Variants in EPB41L1 observed in about 807,000 individuals in gnomAD.
EPB41L1 encodes the protein band 4.1-like protein 1.
In EPB41L1, 29 loss-of-function variants were observed where a neutral mutation model predicts 97.8. The observed-to-expected ratio is 0.30, with a 90% CI of 0.22 to 0.40. The LOEUF (loss-of-function observed/expected upper bound fraction) is 0.40, where lower values mean the gene tolerates loss of function less well. Ranked by LOEUF, EPB41L1 falls within the 10% of genes least tolerant of loss-of-function variation. The pLI is 1.00. For missense variants in EPB41L1, 812 were observed against 1,162.3 expected, an observed-to-expected ratio of 0.70 and a Z score of 4.38; for synonymous variants, 383 against 459.2, an observed-to-expected ratio of 0.83 and a Z score of 2.12.
At chr20:36,163,512 T>G (rs2060615894) in intron 1 of EPB41L1, among the ~76,000 whole-genome samples, 2 of 152,334 alleles carry the variant, frequency 1.3e-5, no homozygotes, top group African/African-American at 4.8e-5. Flanking sequence ...CAGGCTCCCC[T>G]TATCCTAAGT....
chr20:36,205,544 T>G (rs2062753074), intron 14 of EPB41L1, among the ~76,000 whole-genome samples: 1 of 152,180 alleles, frequency 6.6e-6, no homozygotes, highest in South Asian at 2.1e-4. Flanking sequence ...GGCCCATCTG[T>G]GGATCTCCAT....
intron 14 of EPB41L1, among the ~76,000 whole-genome samples, chr20:36,202,348 G>A (rs1028388680): frequency 2.0e-5 from 3 of 152,186 alleles, no homozygotes; most frequent in East Asian, 3.8e-4. Flanking sequence ...CATTCTGCCC[G>A]CTGGTGCCCG....
At chr20:36,095,675 C>A (rs2057804761) in intron 1 of EPB41L1, among the ~76,000 whole-genome samples, 1 of 152,260 alleles carries the variant, frequency 6.6e-6, no homozygotes, top group Non-Finnish European at 1.5e-5. Context: ...ATCTCCCCAC[C>A]AATATACTCT....
In EPB41L1 at chr20:36,095,511, C is replaced by T. The variant is rs6088995; in HGVS notation, c.-65+3899C>T. On this transcript the variant is annotated intron_variant, in intron 1 of 19. Coordinates refer to the EPB41L1 transcript ENST00000202028. ...GTGAAAGGGTCTAAACTCCCTAAGC[C>T]TTGGTTTACCTGGCTAGGCAGCTAG... Among the ~76,000 whole-genome samples the T allele has an allele frequency of 2.6e-5, 4 of 152,316 alleles. No individual in the cohort carries two copies. The South Asian group carries it at 6.2e-4, about 24-fold the overall frequency.
chr20:36,155,806 A>G (rs2060272102), intron 1 of EPB41L1: 7 of 376,672 alleles, frequency 1.9e-5, no homozygotes, highest in South Asian at 1.4e-4. Context: ...CTGGATCCGC[A>G]TAGCACCTCC....
intron 2 of EPB41L1, among the ~76,000 whole-genome samples, chr20:36,136,754 T>C (rs995674332): frequency 1.3e-5 from 2 of 149,896 alleles, no homozygotes; most frequent in Non-Finnish European, 3.0e-5. Flanking sequence ...CCTGACTAAT[T>C]TTTTTTTTTG....
At chr20:36,194,997 C>T (rs768484381) in intron 12 of EPB41L1, among the ~76,000 whole-genome samples, 3 of 152,180 alleles carry the variant, frequency 2.0e-5, no homozygotes, top group Admixed American at 2.0e-4. Flanking sequence ...GGTTTCTTTC[C>T]GTCTACCTTG....
At chr20:36,145,342 AT>A (rs753201815) in intron 2 of EPB41L1, among the ~76,000 whole-genome samples, 3 of 147,116 alleles carry the variant, frequency 2.0e-5, no homozygotes, top group Admixed American at 7.0e-5. Flanking sequence ...GTGAGCTGAG[AT>A]TGCGATCACA....
At chr20:36,120,704 G>T (rs1055918351) in intron 2 of EPB41L1, among the ~76,000 whole-genome samples, 1 of 152,008 alleles carries the variant, frequency 6.6e-6, no homozygotes, top group East Asian at 1.9e-4. Flanking sequence ...GATTTAGTCC[G>T]CAAATTTTTA....
chr20:36,204,471 C>CTTTTTTTTTTTTTTTTTTTTTTT lies in EPB41L1; in HGVS notation c.1669-5013_1669-4991dup, dbSNP rs765673962. On this transcript the variant is annotated intron_variant, in intron 14 of 21. Coordinates refer to ENST00000338074, the MANE Select transcript of EPB41L1 (RefSeq NM_012156.2). ...GGCCTAACAGTGCTGCGATCTGGTG[C>CTTTTTTTTTTTTTTTTTTTTTTT]TTTTTTTTTTTTTTTTTTTTTTTTT... 9.9e-5 allele frequency among the ~76,000 whole-genome samples: 9 copies of CTTTTTTTTTTTTTTTTTTTTTTT among 90,602 alleles called. 1 individual carries two copies. The highest frequency in any genetic ancestry group is 5.2e-4 in the African/African-American group (9 of 17,388). The allele number at this position is 90,602 out of a possible 152,430, so 59.4% of individuals were successfully genotyped here. A position where few individuals can be genotyped will look rare whatever the true frequency, so the allele number is the denominator to read the frequency against.
At chr20:36,188,887 A>G (rs2061816190) in intron 9 of EPB41L1, among the ~76,000 whole-genome samples, 1 of 152,056 alleles carries the variant, frequency 6.6e-6, no homozygotes, top group Admixed American at 6.6e-5. Context: ...TCAAAAAAAA[A>G]AAAAAGGGAG....
intron 1 of EPB41L1, among the ~76,000 whole-genome samples, chr20:36,166,223 C>T (rs2060733072): frequency 6.6e-6 from 1 of 152,218 alleles, no homozygotes; most frequent in African/African-American, 2.4e-5. Flanking sequence ...CATCTGATGC[C>T]AAATCTGCTG....
intron 2 of EPB41L1, among the ~76,000 whole-genome samples, chr20:36,143,146 T>C (rs2059705889): frequency 7.7e-6 from 1 of 129,076 alleles, no homozygotes; most frequent in Non-Finnish European, 1.6e-5. Flanking sequence ...TTTGTGTGTG[T>C]GTGTGTGTGT....
In EPB41L1 at chr20:36,093,837, C is replaced by T. The variant is rs970736097; in HGVS notation, c.-65+2225C>T. Among the ~76,000 whole-genome samples, 2 of 152,044 alleles carry T rather than the reference C, an allele frequency of 1.3e-5. No individual in the cohort carries two copies. Among genetic ancestry groups the T allele is most frequent in the African/African-American group, 2.4e-5 (1 of 41,392 alleles). ...CCTGTTGTGGCCAGGGGACATGTCC[C>T]CTCCGGCCTCCCCCCAGCCCCCCAC... is the stretch of plus-strand genomic sequence containing the variant. On this transcript the variant is annotated intron_variant, in intron 1 of 19. Coordinates refer to the EPB41L1 transcript ENST00000202028. This position sits in a 1 kb window ranked among gnomAD's most constrained non-coding sequence, Gnocchi z 5.4.
At chr20:36,167,232 A>C (rs1314912426) in intron 1 of EPB41L1, among the ~76,000 whole-genome samples, 1 of 152,172 alleles carries the variant, frequency 6.6e-6, no homozygotes, top group African/African-American at 2.4e-5. Context: ...CGCACAGTCG[A>C]AGAACAGACG....
chr20:36,224,764 A>G lies in EPB41L1; in HGVS notation c.2637+2370A>G, dbSNP rs557777410. On this transcript the variant is annotated intron_variant, in intron 21 of 21. Transcript: ENST00000338074. ...TTTCTATTTATCTAGAAATTTTTAG[A>G]AAAATAGAAATATATAGAAAATTTA... Among the ~76,000 whole-genome samples the G allele has an allele frequency of 5.3e-5, 8 of 152,338 alleles. No individual in the cohort carries two copies. In the South Asian group the frequency reaches 6.2e-4, roughly 12 times the overall value.
chr20:36,194,331 A>G lies in EPB41L1; in HGVS notation c.1420A>G (p.Arg474Gly), dbSNP rs753699939. Residue 474 changes from arginine to glycine, a missense_variant, in exon 12 of 22, where the codon AGG (arginine) becomes GGG (glycine). This residue lies in a region of EPB41L1 where 498 missense variants were observed against 622.7 expected (regional missense o/e 0.80). Transcript: ENST00000338074. ...QRSEAEEGEV[R>G]TPTKIKELKP... is the part of the protein sequence containing the mutation. ...GTCAGAGGCTGAGGAGGGAGAGGTC[A>G]GGACTCCAACCAAGATCAAGGAGCT... The G allele has an allele frequency of 3.2e-5, 51 of 1,613,520 alleles. 1 individual carries two copies. In the East Asian group the frequency reaches 1.0e-3, roughly 32 times the overall value.
At chr20:36,187,285 T>C (rs915453215) in intron 7 of EPB41L1, among the ~76,000 whole-genome samples, 3 of 152,214 alleles carry the variant, frequency 2.0e-5, no homozygotes, top group African/African-American at 4.8e-5. Flanking sequence ...GCAAGAAATA[T>C]CCTGTGTGGG....
intron 1 of EPB41L1, among the ~76,000 whole-genome samples, chr20:36,161,225 C>T (rs1386566306): frequency 6.6e-6 from 1 of 152,148 alleles, no homozygotes; most frequent in African/African-American, 2.4e-5. Flanking sequence ...TTTTCAAATT[C>T]TCTTAGGATG....
Sources: gnomAD v4.1 joint callset for allele counts (sites outside exome capture counted in the v4.1 genomes callset) on GRCh38, gnomAD v4.1.1 for gene constraint, gnomAD v4.1.1 regional missense constraint, Gnocchi (gnomAD v3.1) non-coding constraint, MANE v1.5 for transcripts, NCBI Gene and HGNC (gene_info 2026-07-23, HGNC 2026-07-21) for gene names.